Variants in PTPRM observed in about 807,000 individuals in gnomAD.
The protein encoded by PTPRM is protein tyrosine phosphatase receptor type M.
PTPRM carries 47 observed loss-of-function variants against 186.7 expected under a neutral mutation model. The observed-to-expected ratio is 0.25, with a 90% CI of 0.20 to 0.32. The LOEUF (loss-of-function observed/expected upper bound fraction) is 0.32. Ranked by LOEUF, PTPRM falls within the 10% of genes least tolerant of loss-of-function variation. The probability of loss-of-function intolerance (pLI) is 1.00; values close to 1 mark genes in which losing one functional copy is unlikely to be tolerated. For missense variants in PTPRM, 1,494 were observed against 1,865.0 expected (o/e 0.80, Z 3.66); for synonymous variants, 668 against 674.9 (o/e 0.99, Z 0.16).
chr18:7,922,949 G>A (rs904202249), intron 4 of PTPRM, among the ~76,000 whole-genome samples: 3 of 152,128 alleles, frequency 2.0e-5, no homozygotes, highest in African/African-American at 7.2e-5. Flanking sequence ...TTGAGATTTT[G>A]GCACCCGCTA....
At chr18:7,838,778 A>G (rs1352830424) in intron 2 of PTPRM, among the ~76,000 whole-genome samples, 8 of 152,140 alleles carry the variant, frequency 5.3e-5, no homozygotes, top group Non-Finnish European at 1.0e-4. Flanking sequence ...AGGCCCAGGT[A>G]GGGCCAAAGG....
intron 2 of PTPRM, among the ~76,000 whole-genome samples, chr18:7,797,762 A>G (rs1051819302): frequency 6.6e-6 from 1 of 152,172 alleles, no homozygotes; most frequent in Non-Finnish European, 1.5e-5. Flanking sequence ...TTTCATAGCA[A>G]GGGCCTGGAT....
At chr18:8,159,190 T>C (rs1299833096) in intron 14 of PTPRM, among the ~76,000 whole-genome samples, 1 of 152,182 alleles carries the variant, frequency 6.6e-6, no homozygotes, top group Non-Finnish European at 1.5e-5. Context: ...ATATTTTGGA[T>C]GGATCTCAGC....
intron 19 of PTPRM, among the ~76,000 whole-genome samples, chr18:8,264,465 C>T (rs950315196): frequency 3.3e-5 from 5 of 152,036 alleles, no homozygotes; most frequent in Non-Finnish European, 7.4e-5. Context: ...CCTACTATAT[C>T]GGCACTGTAC....
chr18:8,280,630 A>G (rs2094893038), intron 19 of PTPRM, among the ~76,000 whole-genome samples: 1 of 152,154 alleles, frequency 6.6e-6, no homozygotes, highest in Non-Finnish European at 1.5e-5. Flanking sequence ...TAAATGTTAA[A>G]ATTCAGTTCC....
At chr18:7,925,795 C>T (rs1470315458) in intron 4 of PTPRM, among the ~76,000 whole-genome samples, 1 of 152,150 alleles carries the variant, frequency 6.6e-6, no homozygotes, top group African/African-American at 2.4e-5. Context: ...AAATTTAAGT[C>T]CTGACTTACC....
At position 8,038,914 on chromosome 18, in the gene PTPRM, A is replaced by G. The variant is rs149657687; in HGVS notation, c.1133-30772A>G. Among the ~76,000 whole-genome samples the G allele has an allele frequency of 5.0e-3, 763 of 152,326 alleles. 8 individuals are homozygous for G. Among genetic ancestry groups the G allele is most frequent in the Non-Finnish European group, 5.7e-3 (387 of 68,026 alleles). ...AGAGTTAGTTCTAGGAGCATAATCCATAGTAAAGCGTTTGGAACATCTTGA... is the reference window on the plus strand; with the variant it reads ...AGAGTTAGTTCTAGGAGCATAATCCGTAGTAAAGCGTTTGGAACATCTTGA... On this transcript the variant is annotated intron_variant, in intron 7 of 32. Coordinates refer to ENST00000580170, the MANE Select transcript of PTPRM (RefSeq NM_001105244.2).
chr18:8,001,695 T>C (rs1409200338), intron 7 of PTPRM, among the ~76,000 whole-genome samples: 2 of 152,180 alleles, frequency 1.3e-5, no homozygotes, highest in Non-Finnish European at 1.5e-5. Flanking sequence ...CATGTCCCCT[T>C]CTCTGCCTAA....
intron 22 of PTPRM, among the ~76,000 whole-genome samples, chr18:8,339,179 G>GA (rs531659455): frequency 0.014 from 2,041 of 141,150 alleles, 34 homozygotes; most frequent in East Asian, 0.028. Flanking sequence ...GTTTTTTATT[G>GA]AAAAAAAAAA....
chr18:7,834,992 C>CTTTTTTTTTTTTTTTTTTTTTTTGTTTTG (rs57839485), intron 2 of PTPRM, among the ~76,000 whole-genome samples: 1 of 85,268 alleles, frequency 1.2e-5, no homozygotes, highest in Non-Finnish European at 2.3e-5. Context: ...TTATTTGGAT[C>CTTTTTTTTTTTTTTTTTTTTTTTGTTTTG]TTTTTTTTTT....
At chr18:7,706,812 T>A (rs932204929) in intron 1 of PTPRM, among the ~76,000 whole-genome samples, 1 of 151,994 alleles carries the variant, frequency 6.6e-6, no homozygotes, top group East Asian at 1.9e-4. Context: ...ACTATAAATA[T>A]TGAGAATTTT....
At chr18:7,913,585 G>A (rs1409450994) in intron 4 of PTPRM, among the ~76,000 whole-genome samples, 1 of 152,020 alleles carries the variant, frequency 6.6e-6, no homozygotes, top group African/African-American at 2.4e-5. Flanking sequence ...TTATTATGTG[G>A]TTTCCATCCT....
chr18:7,863,032 GA>G (rs1171533105), intron 2 of PTPRM, among the ~76,000 whole-genome samples: 1 of 152,134 alleles, frequency 6.6e-6, no homozygotes, highest in Non-Finnish European at 1.5e-5. Flanking sequence ...TTGGGGTAGA[GA>G]AAAGCTGGGA....
At chr18:8,218,309 A>G (rs1243398864) in intron 14 of PTPRM, among the ~76,000 whole-genome samples, 1 of 152,208 alleles carries the variant, frequency 6.6e-6, no homozygotes, top group East Asian at 1.9e-4. Context: ...TAAATTGCAG[A>G]TTACCAACAA....
At chr18:7,786,191 A>T (rs1363657695) in intron 2 of PTPRM, among the ~76,000 whole-genome samples, 1 of 152,260 alleles carries the variant, frequency 6.6e-6, no homozygotes, top group African/African-American at 2.4e-5. Flanking sequence ...TGGTCGAAAG[A>T]GAAATAAATA....
chr18:8,033,427 T>C (rs2086121836), intron 7 of PTPRM, among the ~76,000 whole-genome samples: 1 of 152,192 alleles, frequency 6.6e-6, no homozygotes, highest in African/African-American at 2.4e-5. Context: ...TTTCACCATT[T>C]CATGGTTGTG....
intron 2 of PTPRM, among the ~76,000 whole-genome samples, chr18:7,874,715 C>T (rs1391342462): frequency 6.6e-6 from 1 of 152,092 alleles, no homozygotes; most frequent in African/African-American, 2.4e-5. Flanking sequence ...TTCCACCCAG[C>T]CAAGCTTAGA....
At chr18:7,733,485 A>C (rs4424981) in intron 1 of PTPRM, among the ~76,000 whole-genome samples, 1 of 152,002 alleles carries the variant, frequency 6.6e-6, no homozygotes, top group African/African-American at 2.4e-5. Context: ...CAGTCTATCA[A>C]TGATAGGCAT....
chr18:8,032,279 ATGGGGATTGTT>A (rs1161534563), intron 7 of PTPRM, among the ~76,000 whole-genome samples: 4 of 152,202 alleles, frequency 2.6e-5, no homozygotes, highest in Non-Finnish European at 5.9e-5. Context: ...ATGTGTAAAA[ATGGGGATTGTT>A]ATGCATATGA....
Sources: gnomAD v4.1 joint callset for allele counts (sites outside exome capture counted in the v4.1 genomes callset) on GRCh38, gnomAD v4.1.1 for gene constraint, MANE v1.5 for transcripts, NCBI Gene and HGNC (gene_info 2026-07-23, HGNC 2026-07-21) for gene names.